VPS50: variants seen among roughly 807,000 people sequenced by gnomAD.
VPS50 encodes the protein VPS50 subunit of EARP/GARPII complex.
VPS50 carries 70 observed loss-of-function variants against 139.7 expected under a neutral mutation model. The observed-to-expected ratio is 0.50, with a 90% confidence interval of 0.41 to 0.61. The LOEUF (loss-of-function observed/expected upper bound fraction) is 0.61. Among genes scored for constraint, VPS50 ranks in the 20% least tolerant of loss-of-function variants. The pLI, the probability that VPS50 is intolerant of heterozygous loss-of-function variation, is 0.00. For missense variants in VPS50, 921 were observed against 1,133.7 expected (o/e 0.81, Z 2.69); for synonymous variants, 365 against 376.7 (o/e 0.97, Z 0.36).
chr7:93,261,816 A>G (rs1202663461), intron 9 of VPS50, among the ~76,000 whole-genome samples: 1 of 151,910 alleles, frequency 6.6e-6, no homozygotes, highest in Non-Finnish European at 1.5e-5. Flanking sequence ...GACTTGAGGT[A>G]GGCCAGGATA....
At chr7:93,241,511 C>T (rs1286416412) in intron 2 of VPS50, among the ~76,000 whole-genome samples, 1 of 152,118 alleles carries the variant, frequency 6.6e-6, no homozygotes, top group Non-Finnish European at 1.5e-5. Context: ...TATAAGCTTA[C>T]ATTTAACCTT....
intron 1 of VPS50, among the ~76,000 whole-genome samples, chr7:93,237,031 A>G (rs1271295737): frequency 2.2e-5 from 3 of 134,802 alleles, no homozygotes; most frequent in African/African-American, 8.6e-5. Flanking sequence ...GCTCACTGCA[A>G]GCTCCGCCTC....
intron 2 of VPS50, among the ~76,000 whole-genome samples, chr7:93,247,424 C>A (rs1204151351): frequency 3.9e-5 from 6 of 152,030 alleles, no homozygotes; most frequent in African/African-American, 1.4e-4. Context: ...ATTGCTTTAA[C>A]CTGTTGTGCA....
intron 2 of VPS50, among the ~76,000 whole-genome samples, chr7:93,245,931 G>C (rs1478298448): frequency 6.6e-6 from 1 of 151,712 alleles, no homozygotes; most frequent in African/African-American, 2.4e-5. Flanking sequence ...CTGTGATCTT[G>C]AAATAAGTTT....
intron 8 of VPS50, 22 bp downstream of exon 8, chr7:93,258,414 A>G (rs1323629708): frequency 6.3e-6 from 10 of 1,593,546 alleles, no homozygotes; most frequent in Non-Finnish European, 8.6e-6. Flanking sequence ...AGTTTTGGAA[A>G]TTTAGGGTCC....
intron 1 of VPS50, among the ~76,000 whole-genome samples, chr7:93,237,883 C>T (rs1395629823): frequency 1.3e-5 from 2 of 152,108 alleles, no homozygotes; most frequent in East Asian, 1.9e-4. Flanking sequence ...TTTCCTGATC[C>T]TCTCTCTCCT....
intron 20 of VPS50, among the ~76,000 whole-genome samples, chr7:93,315,104 AT>A (rs573287870): frequency 1.5e-4 from 23 of 149,866 alleles, no homozygotes; most frequent in Admixed American, 4.7e-4. Context: ...CCTCTCTCCT[AT>A]TTTTTTTTGT....
intron 2 of VPS50, among the ~76,000 whole-genome samples, chr7:93,245,145 T>C (rs953862379): frequency 2.0e-5 from 3 of 151,652 alleles, no homozygotes; most frequent in Non-Finnish European, 4.4e-5. Flanking sequence ...TAGGTAGAAA[T>C]GTATTCAGGA....
At chr7:93,303,573 GA>G in intron 17 of VPS50, 23 bp downstream of exon 17, 1 of 1,123,486 alleles carries the variant, frequency 8.9e-7, no homozygotes, top group Non-Finnish European at 1.3e-6. Context: ...TAAGAACAAA[GA>G]AATCTGTCTT....
rs988010176 is a variant in VPS50, at chr7:93,232,397, G to A, written c.-71G>A. 1 of 1,336,200 alleles carries A rather than the reference G, an allele frequency of 7.5e-7. No individual in the cohort carries two copies. Among genetic ancestry groups the A allele is most frequent in the Non-Finnish European group, 1.1e-6 (1 of 927,964 alleles). The allele number at this position is 1,336,200 out of a possible 1,614,324, so 82.8% of individuals were successfully genotyped here. A position where few individuals can be genotyped will look rare whatever the true frequency, so the allele number is the denominator to read the frequency against. On this transcript the variant is annotated 5_prime_UTR_variant, in exon 1 of 28. Coordinates refer to ENST00000305866, the MANE Select transcript of VPS50 (RefSeq NM_017667.4). ...ACCCACTATGGCTTCCTAGTGTCAGGGCCAGCTGTGTAGTGGCTCGGTGTG... is the reference window on the plus strand; with the variant it reads ...ACCCACTATGGCTTCCTAGTGTCAGAGCCAGCTGTGTAGTGGCTCGGTGTG...
At chr7:93,265,192 A>T (rs1795804398) in intron 9 of VPS50, among the ~76,000 whole-genome samples, 1 of 152,104 alleles carries the variant, frequency 6.6e-6, no homozygotes, top group South Asian at 2.1e-4. Flanking sequence ...AGACACATAT[A>T]CACACATATA....
intron 12 of VPS50, among the ~76,000 whole-genome samples, chr7:93,287,396 CAA>C (rs909747641): frequency 6.7e-6 from 1 of 148,774 alleles, no homozygotes; most frequent in Non-Finnish European, 1.5e-5. Context: ...AGCAAATCCT[CAA>C]GAGATAACAT....
intron 18 of VPS50, 136 bp downstream of exon 18, chr7:93,306,140 A>G (rs1258076058): frequency 4.8e-6 from 3 of 624,944 alleles, no homozygotes; most frequent in Non-Finnish European, 8.5e-6. Context: ...TACCTATGCT[A>G]TTACATTTAT....
At chr7:93,237,982 C>G (rs969667552) in intron 1 of VPS50, among the ~76,000 whole-genome samples, 29 of 152,102 alleles carry the variant, frequency 1.9e-4, no homozygotes, top group African/African-American at 6.8e-4. Context: ...TGGAACATAA[C>G]CCAATTGTAA....
At chr7:93,256,368 T>C in intron 4 of VPS50, 141 bp from the exon 5 acceptor site, 1 of 473,792 alleles carries the variant, frequency 2.1e-6, no homozygotes, top group South Asian at 3.5e-5. Flanking sequence ...GAAATGTGTA[T>C]GGCCATAGTA....
rs1415020352 is a variant in VPS50 at position 93,259,552 on chromosome 7, G to C, written c.579G>C (p.Glu193Asp). The C allele has an allele frequency of 6.4e-7, 1 of 1,553,108 alleles. No homozygotes were observed. The highest frequency in any genetic ancestry group is 1.7e-5 in the Admixed American group (1 of 59,630). ...TDVRLSEMLEEEDYPGAIQLC... is the reference protein window; with the variant it reads ...TDVRLSEMLEDEDYPGAIQLC... ...ACTCCTGTTGTTGTTACCTTAAGGA[G>C]GAAGATTATCCAGGAGCTATTCAGT... The change falls in exon 9 of 28, where the codon GAG becomes GAC. Residue 193 changes from glutamate to aspartate, a missense_variant and splice_region_variant. Physicochemically the swap from Glu to Asp is conservative, Grantham distance 45. Transcript: ENST00000305866.
intron 19 of VPS50, among the ~76,000 whole-genome samples, chr7:93,310,963 C>G (rs1034844681): frequency 6.6e-5 from 10 of 151,968 alleles, no homozygotes; most frequent in Admixed American, 6.6e-4. Flanking sequence ...CGAAGAAATG[C>G]ATTATGGTAC....
chr7:93,247,206 A>C (rs1382034529), intron 2 of VPS50, among the ~76,000 whole-genome samples: 1 of 151,894 alleles, frequency 6.6e-6, no homozygotes, highest in East Asian at 1.9e-4. Flanking sequence ...ACATTAAGAA[A>C]ATATTGAATA....
At chr7:93,290,257 G>A (rs928952330) in intron 12 of VPS50, among the ~76,000 whole-genome samples, 1 of 151,688 alleles carries the variant, frequency 6.6e-6, no homozygotes, top group African/African-American at 2.4e-5. Flanking sequence ...CTATTCTTTT[G>A]CCTCTGTTTT....
Sources: gnomAD v4.1 joint callset for allele counts (sites outside exome capture counted in the v4.1 genomes callset) on GRCh38, gnomAD v4.1.1 for gene constraint, MANE v1.5 for transcripts, NCBI Gene and HGNC (gene_info 2026-07-23, HGNC 2026-07-21) for gene names.